Variants in SGCZ observed in about 807,000 individuals in gnomAD.
The protein encoded by SGCZ is zeta-sarcoglycan.
In SGCZ, 40 loss-of-function variants were observed where a neutral mutation model predicts 41.3. The observed-to-expected ratio is 0.97, with a 90% CI of 0.75 to 1.26. The LOEUF (loss-of-function observed/expected upper bound fraction) is 1.26, where lower values mean the gene tolerates loss of function less well. Among genes scored for constraint, SGCZ ranks in the 50% most tolerant of loss-of-function variants. The pLI, the probability that SGCZ is intolerant of heterozygous loss-of-function variation, is 0.00. For missense variants in SGCZ, 552 were observed against 369.8 expected, an observed-to-expected ratio of 1.49 and a Z score of -4.04; for synonymous variants, 206 against 137.5, an observed-to-expected ratio of 1.50 and a Z score of -3.49.
chr8:14,148,320 A>G (rs1803590604), intron 5 of SGCZ, among the ~76,000 whole-genome samples: 1 of 152,046 alleles, frequency 6.6e-6, no homozygotes, highest in South Asian at 2.1e-4. Flanking sequence ...TAAGAAAAAA[A>G]GATACAAATA....
chr8:15,112,183 C>T (rs1807093928), intron 1 of SGCZ, among the ~76,000 whole-genome samples: 1 of 152,214 alleles, frequency 6.6e-6, no homozygotes, highest in African/African-American at 2.4e-5. Context: ...ACCGCGAGAA[C>T]ATAGTTGAAA....
At position 14,554,879 on chromosome 8, in the gene SGCZ, T is replaced by C. The variant is rs145030898; in HGVS notation, c.87A>G (p.Pro29=). 9 of 1,612,962 alleles carry C rather than the reference T, an allele frequency of 5.6e-6. No individual in the cohort carries two copies. In the Admixed American group the frequency reaches 1.5e-4, roughly 27 times the overall value. ...YILATQQNNL[P]RTENAQLYPV... is the part of the protein sequence containing the mutation. ...GGTAAAGTTGTGCATTCTCAGTCCTTGGCAGGTTATTCTGTTGGGTTGCTA... is the reference window on the plus strand; with the variant it reads ...GGTAAAGTTGTGCATTCTCAGTCCTCGGCAGGTTATTCTGTTGGGTTGCTA... The change falls in exon 2 of 8, where the codon CCA becomes CCG. Residue 29 remains proline (P), a synonymous_variant. Transcript: ENST00000382080.
chr8:14,463,374 G>A (rs1800956078), intron 2 of SGCZ, among the ~76,000 whole-genome samples: 1 of 142,698 alleles, frequency 7.0e-6, no homozygotes, highest in Non-Finnish European at 1.5e-5. Flanking sequence ...TAGACCAATG[G>A]AAAAGAATAC....
intron 2 of SGCZ, among the ~76,000 whole-genome samples, chr8:14,471,162 C>A (rs1239138112): frequency 6.6e-6 from 1 of 152,110 alleles, no homozygotes; most frequent in Non-Finnish European, 1.5e-5. Flanking sequence ...CTAAATGTAA[C>A]ATTGACTAAA....
chr8:14,271,656 T>C (rs1800063387), intron 3 of SGCZ, among the ~76,000 whole-genome samples: 1 of 152,204 alleles, frequency 6.6e-6, no homozygotes, highest in Non-Finnish European at 1.5e-5. Context: ...TTTCCTGGTT[T>C]TCTGCTGGAG....
At chr8:14,558,884 T>A (rs968411727) in intron 1 of SGCZ, among the ~76,000 whole-genome samples, 3 of 151,994 alleles carry the variant, frequency 2.0e-5, no homozygotes, top group African/African-American at 7.2e-5. Context: ...AAAAATCACA[T>A]AATCATCCCA....
chr8:14,572,314 A>T (rs766784993), intron 1 of SGCZ, among the ~76,000 whole-genome samples: 2 of 152,124 alleles, frequency 1.3e-5, no homozygotes, highest in Non-Finnish European at 2.9e-5. Flanking sequence ...AATTTTCTGT[A>T]ACAAAATGAA....
chr8:14,348,582 G>A (rs1430617880), intron 2 of SGCZ, among the ~76,000 whole-genome samples: 1 of 152,012 alleles, frequency 6.6e-6, no homozygotes, highest in Non-Finnish European at 1.5e-5. Flanking sequence ...GCCGAATGCT[G>A]GCATACAACT....
intron 1 of SGCZ, among the ~76,000 whole-genome samples, chr8:14,723,202 G>A (rs921444836): frequency 1.3e-5 from 2 of 152,186 alleles, no homozygotes; most frequent in African/African-American, 4.8e-5. Flanking sequence ...AGCATAATTG[G>A]AGCAGATCTT....
rs78302405 is a variant in SGCZ at position 14,781,036 on chromosome 8, T to G, written c.40-226110A>C. On this transcript the variant is annotated intron_variant, in intron 1 of 7. Coordinates refer to ENST00000382080, the MANE Select transcript of SGCZ (RefSeq NM_139167.4). The stretch of plus-strand genomic sequence containing the variant: ...CTAGCAGACTTTTGTCATCATTCTA[T>G]AAATATTTAGTATGGAATTAAGTTA... Among the ~76,000 whole-genome samples the G allele has an allele frequency of 4.6e-3, 696 of 152,284 alleles. 3 individuals carry two copies. Among genetic ancestry groups the G allele is most frequent in the Non-Finnish European group, 8.3e-3 (563 of 68,024 alleles).
Position 14,634,641 on chromosome 8 carries a change from G to A in SGCZ, c.40-79715C>T, listed in dbSNP as rs189405141. Among the ~76,000 whole-genome samples the A allele has an allele frequency of 3.3e-5, 5 of 151,738 alleles. No homozygotes were observed. The East Asian group carries it at 9.7e-4, about 29-fold the overall frequency. On this transcript the variant is annotated intron_variant, in intron 1 of 7. Coordinates refer to ENST00000382080, the MANE Select transcript of SGCZ (RefSeq NM_139167.4). The stretch of plus-strand genomic sequence containing the variant: ...GCCTTGAAGGAGTAAAACCACTGAG[G>A]TCTCCAATTTCACTGGAATACCCTA...
chr8:14,590,401 C>G (rs556046314), intron 1 of SGCZ, among the ~76,000 whole-genome samples: 15 of 151,616 alleles, frequency 9.9e-5, no homozygotes, highest in Non-Finnish European at 1.8e-4. Context: ...TTTAATTGGT[C>G]AAGAAATATT....
At chr8:14,917,467 G>C (rs1483176066) in intron 1 of SGCZ, among the ~76,000 whole-genome samples, 1 of 152,070 alleles carries the variant, frequency 6.6e-6, no homozygotes, top group Non-Finnish European at 1.5e-5. Flanking sequence ...TACTGGGCAA[G>C]AGAGACTGTT....
chr8:14,326,299 G>C (rs1310558291), intron 2 of SGCZ, among the ~76,000 whole-genome samples: 1 of 151,582 alleles, frequency 6.6e-6, no homozygotes, highest in Non-Finnish European at 1.5e-5. Flanking sequence ...GAAAGTTGAG[G>C]GAATATAATG....
chr8:14,210,278 C>G (rs774488690), intron 4 of SGCZ, among the ~76,000 whole-genome samples: 1 of 151,358 alleles, frequency 6.6e-6, no homozygotes, highest in African/African-American at 2.4e-5. Flanking sequence ...AGGCTGGTCT[C>G]GAACTCCTGA....
At chr8:15,102,545 T>C (rs1373985640) in intron 1 of SGCZ, among the ~76,000 whole-genome samples, 1 of 150,532 alleles carries the variant, frequency 6.6e-6, no homozygotes, top group Non-Finnish European at 1.5e-5. Flanking sequence ...TGTATCCATA[T>C]TGGTTTATGA....
At chr8:14,705,973 A>C (rs1809320440) in intron 1 of SGCZ, among the ~76,000 whole-genome samples, 1 of 152,062 alleles carries the variant, frequency 6.6e-6, no homozygotes, top group African/African-American at 2.4e-5. Context: ...TTATTTGTTG[A>C]ATGAATAGCT....
chr8:14,105,981 T>C (rs1467122058), intron 6 of SGCZ, among the ~76,000 whole-genome samples: 1 of 152,174 alleles, frequency 6.6e-6, no homozygotes, highest in Non-Finnish European at 1.5e-5. Flanking sequence ...TTGAATAAAT[T>C]GGTAAACAGC....
intron 3 of SGCZ, among the ~76,000 whole-genome samples, chr8:14,317,870 G>A (rs1179036254): frequency 6.6e-6 from 1 of 151,782 alleles, no homozygotes; most frequent in African/African-American, 2.4e-5. Context: ...AAATTTTTAT[G>A]AAACTTCACA....
Sources: allele counts gnomAD v4.1 joint callset (sites outside exome capture counted in the v4.1 genomes callset), GRCh38; gene constraint gnomAD v4.1.1; transcripts MANE v1.5; gene names NCBI Gene and HGNC (gene_info 2026-07-23, HGNC 2026-07-21).